TG: variants seen among roughly 807,000 people sequenced by gnomAD.
The protein encoded by TG is thyroid hormones.
TG carries 270 observed loss-of-function variants against 324.7 expected under a neutral mutation model. The observed-to-expected ratio is 0.83, with a 90% CI of 0.75 to 0.92. The LOEUF is 0.92. TG is among the 40% of genes least tolerant of loss of function. The pLI, the probability that TG is intolerant of heterozygous loss-of-function variation, is 0.00. For missense variants in TG, 3,591 were observed against 3,456.4 expected, an observed-to-expected ratio of 1.04 and a Z score of -0.98; for synonymous variants, 1,401 against 1,327.0, an observed-to-expected ratio of 1.06 and a Z score of -1.21.
intron 23 of TG, 27 bp downstream of exon 23, chr8:132,929,219 T>G (rs1822327838): frequency 6.4e-7 from 1 of 1,555,764 alleles, no homozygotes; most frequent in African/African-American, 1.4e-5. Context: ...AGATATGCAC[T>G]CAGAAGAAGG....
At chr8:132,950,623 C>T (rs551851307) in intron 27 of TG, among the ~76,000 whole-genome samples, 5 of 152,302 alleles carry the variant, frequency 3.3e-5, no homozygotes, top group East Asian at 1.9e-4. Flanking sequence ...AGCAGCGTGC[C>T]GCAATTGCGC....
Position 133,050,161 on chromosome 8 carries a change from G to C in TG, c.7239+20138G>C, listed in dbSNP as rs1399403062. ...TCATCTGAAAATTTTCTTTTTAAAG[G>C]ATATGTGTCCAGTGGATAGCCCTCC... On this transcript the variant is annotated intron_variant, in intron 41 of 47. Transcript: ENST00000220616. The C allele has an allele frequency of 4.8e-6, 3 of 629,996 alleles. No individual in the cohort carries two copies. In the South Asian group the frequency reaches 5.4e-5, roughly 11 times the overall value. The allele number at this position is 629,996 out of a possible 1,614,324, so 39.0% of individuals were successfully genotyped here. A position where few individuals can be genotyped will look rare whatever the true frequency, so the allele number is the denominator to read the frequency against.
rs773261263 is a variant in TG, at chr8:133,096,305, G to C, written c.7504G>C (p.Val2502Leu). Reference protein sequence around the residue: ...PARALKRSLWVEVDLLIGSSQ... With the variant: ...PARALKRSLWLEVDLLIGSSQ... The stretch of plus-strand genomic sequence containing the variant: ...CAGAGCACTGAAGAGGTCTTTATGG[G>C]TAGAGGTCGATCTGCTCATTGGGAG... Residue 2502 changes from valine (V) to leucine (L), a missense_variant, in exon 43 of 48, where the codon GTA becomes CTA. Transcript: ENST00000220616. The C allele has an allele frequency of 1.1e-5, 18 of 1,614,184 alleles. No homozygotes were observed. Among genetic ancestry groups the C allele is most frequent in the Non-Finnish European group, 1.4e-5 (17 of 1,180,050 alleles).
At chr8:133,105,744 A>G (rs934014230) in intron 43 of TG, among the ~76,000 whole-genome samples, 2 of 152,154 alleles carry the variant, frequency 1.3e-5, no homozygotes, top group African/African-American at 4.8e-5. Flanking sequence ...TGGGAGGAAA[A>G]GGGGACAGGG....
intron 10 of TG, 84 bp downstream of exon 10, chr8:132,888,652 C>A: frequency 1.5e-6 from 2 of 1,361,184 alleles, no homozygotes. Context: ...AAAAGGATGT[C>A]TAGTGGGAGG....
chr8:133,068,822 A>G (rs1441290867), intron 41 of TG, among the ~76,000 whole-genome samples: 1 of 152,262 alleles, frequency 6.6e-6, no homozygotes, highest in Non-Finnish European at 1.5e-5. Context: ...CTTTCTGTAC[A>G]CAGAGGCCCC....
chr8:132,981,608 G>C (rs1426359525), intron 34 of TG, among the ~76,000 whole-genome samples: 2 of 152,208 alleles, frequency 1.3e-5, no homozygotes, highest in Admixed American at 6.5e-5. Flanking sequence ...CTCCCAGAAC[G>C]TGAGATGACA....
At chr8:132,870,045 G>T (rs914392038) in intron 3 of TG, among the ~76,000 whole-genome samples, 1 of 152,144 alleles carries the variant, frequency 6.6e-6, no homozygotes, top group African/African-American at 2.4e-5. Flanking sequence ...TATCTACCCA[G>T]TTCCTCCCAT....
chr8:133,133,739 C>A, intron 47 of TG, 79 bp downstream of exon 47: 1 of 1,510,984 alleles, frequency 6.6e-7, no homozygotes, highest in Non-Finnish European at 9.0e-7. Flanking sequence ...GAGACCTGTG[C>A]TGCGCGCGCA....
rs553424542 is a variant in TG, at chr8:132,980,234, A to T, written c.6200-3116A>T. ...GGCTAGCTGCCACAAAGACCAAGGC[A>T]AGAGTAGAAGATTGAAACTCTCAGT... On this transcript the variant is annotated intron_variant, in intron 34 of 47. Transcript: ENST00000220616. Among the ~76,000 whole-genome samples, 363 of 152,216 alleles carry T rather than the reference A, an allele frequency of 2.4e-3. 1 individual carries two copies. Among genetic ancestry groups the T allele is most frequent in the Non-Finnish European group, 3.9e-3 (262 of 68,012 alleles).
In TG at chr8:133,109,557, G is replaced by A. The variant is rs77264343; in HGVS notation, c.7573-3865G>A. ...GAAATTGAAGGCCAAGTGGCAGCTC[G>A]TCTGGGTGGCAAGGGCAAAGCACAG... On this transcript the variant is annotated intron_variant, in intron 43 of 47. Coordinates refer to ENST00000220616, the MANE Select transcript of TG (RefSeq NM_003235.5). Among the ~76,000 whole-genome samples, 199 of 152,316 alleles carry A rather than the reference G, an allele frequency of 1.3e-3. 1 individual carries two copies. The highest frequency in any genetic ancestry group is 8.5e-3 in the South Asian group (41 of 4,830).
chr8:133,033,936 T>A (rs1354751579), intron 41 of TG, among the ~76,000 whole-genome samples: 1 of 152,274 alleles, frequency 6.6e-6, no homozygotes, highest in Non-Finnish European at 1.5e-5. Context: ...GCTTAGTGTT[T>A]CCTTAACACT....
intron 31 of TG, among the ~76,000 whole-genome samples, chr8:132,969,002 C>T (rs981533277): frequency 6.6e-6 from 1 of 152,128 alleles, no homozygotes; most frequent in African/African-American, 2.4e-5. Flanking sequence ...GGGGAGAGGG[C>T]TGTTGTCAGC....
intron 26 of TG, among the ~76,000 whole-genome samples, chr8:132,944,016 C>T (rs973484265): frequency 6.6e-6 from 1 of 152,172 alleles, no homozygotes; most frequent in African/African-American, 2.4e-5. Context: ...CATCCATACA[C>T]GCATCTGCTG....
At chr8:132,876,969 G>A (rs954342618) in intron 5 of TG, among the ~76,000 whole-genome samples, 2 of 152,244 alleles carry the variant, frequency 1.3e-5, no homozygotes, top group African/African-American at 4.8e-5. Flanking sequence ...TGGGAAGAAG[G>A]ATCAGATGTG....
In TG at chr8:132,906,871, C is replaced by A; in HGVS notation, c.3818C>A (p.Ser1273Ter). Residue 1273 changes from serine to a stop codon, truncating the protein, a stop_gained, in exon 17 of 48, where the codon TCA becomes TAA. Transcript: ENST00000220616. LOFTEE classifies it high-confidence loss of function. Reference protein sequence around the residue: ...ICSLESGRWESQLPQPRACQR... With the variant: ...ICSLESGRWE ...AGCCTGGAGAGCGGACGCTGGGAGTCACAGCTGCCTCAGCCCCGGGCCTGC... is the reference window on the plus strand; with the variant it reads ...AGCCTGGAGAGCGGACGCTGGGAGTAACAGCTGCCTCAGCCCCGGGCCTGC... 6.2e-7 allele frequency: 1 copy of A among 1,613,378 alleles called. No homozygotes were observed. The highest frequency in any genetic ancestry group is 8.5e-7 in the Non-Finnish European group (1 of 1,179,810).
intron 43 of TG, among the ~76,000 whole-genome samples, chr8:133,099,660 T>C (rs757010851): frequency 2.6e-5 from 4 of 152,186 alleles, no homozygotes; most frequent in Non-Finnish European, 5.9e-5. Context: ...TTCTGTAGTC[T>C]TCACCATCTC....
chr8:132,969,489 C>A lies in TG; in HGVS notation c.5895C>A (p.Tyr1965Ter), dbSNP rs1255388549. Reference sequence around the variant, plus strand: ...TGGAAGATAAAGTGAAGAACTTTTACACTCGCCTGCCGTTCCAAAAACTGA... The same window carrying A: ...TGGAAGATAAAGTGAAGAACTTTTAAACTCGCCTGCCGTTCCAAAAACTGA... ...VILEDKVKNF[Y>*]TRLPFQKLMG... Residue 1965 changes from tyrosine to a stop codon, truncating the protein, a stop_gained, in exon 32 of 48, where the codon TAC becomes TAA. Coordinates refer to ENST00000220616, the MANE Select transcript of TG (RefSeq NM_003235.5). LOFTEE classifies it high-confidence loss of function. The A allele has an allele frequency of 1.4e-5, 22 of 1,613,734 alleles. No individual in the cohort carries two copies. Among genetic ancestry groups the A allele is most frequent in the Non-Finnish European group, 1.9e-5 (22 of 1,179,800 alleles).
chr8:132,886,589 C>A lies in TG; in HGVS notation c.1217C>A (p.Thr406Lys). 1 of 1,614,198 alleles carries A rather than the reference C, an allele frequency of 6.2e-7. No individual in the cohort carries two copies. The highest frequency in any genetic ancestry group is 8.5e-7 in the Non-Finnish European group (1 of 1,180,038). The change falls in exon 9 of 48, where the codon ACA (threonine) becomes AAA (lysine). Residue 406 changes from threonine to lysine, a missense_variant. Thr to Lys is a moderately conservative substitution (Grantham distance 78). Coordinates refer to ENST00000220616, the MANE Select transcript of TG (RefSeq NM_003235.5). Reference sequence around the variant, plus strand: ...TCTCCAAGAGTAGCCAGATTTGCCACATCCTGCCCACCCACGATCAAGGAG... The same window carrying A: ...TCTCCAAGAGTAGCCAGATTTGCCAAATCCTGCCCACCCACGATCAAGGAG... ...WASPRVARFA[T>K]SCPPTIKELF...
Sources: allele counts gnomAD v4.1 joint callset (sites outside exome capture counted in the v4.1 genomes callset), GRCh38; gene constraint gnomAD v4.1.1; transcripts MANE v1.5; gene names NCBI Gene and HGNC (gene_info 2026-07-23, HGNC 2026-07-21).